Variants in PHGDH observed in about 807,000 individuals in gnomAD.
The protein encoded by PHGDH is phosphoglycerate dehydrogenase.
In PHGDH, 50 loss-of-function variants were observed where a neutral mutation model predicts 52.6. The observed-to-expected ratio is 0.95, with a 90% confidence interval of 0.76 to 1.20. The LOEUF (loss-of-function observed/expected upper bound fraction) is 1.20, where lower values mean the gene tolerates loss of function less well. Ranked by LOEUF, PHGDH falls within the 50% of genes most tolerant of loss-of-function variation. The pLI, the probability that PHGDH is intolerant of heterozygous loss-of-function variation, is 0.00. For missense variants in PHGDH, 630 were observed against 684.6 expected, an observed-to-expected ratio of 0.92 and a Z score of 0.89; for synonymous variants, 271 against 280.5, an observed-to-expected ratio of 0.97 and a Z score of 0.34.
At chr1:119,732,946 G>T (rs1333220475) in intron 5 of PHGDH, among the ~76,000 whole-genome samples, 3 of 152,210 alleles carry the variant, frequency 2.0e-5, no homozygotes, top group Admixed American at 6.5e-5. Flanking sequence ...AAATACATCT[G>T]GATTAGAGAT....
Position 119,740,419 on chromosome 1 carries a change from C to T in PHGDH, c.979C>T (p.Pro327Ser). 1 of 1,614,004 alleles carries T rather than the reference C, an allele frequency of 6.2e-7. No individual in the cohort carries two copies. Among genetic ancestry groups the T allele is most frequent in the Non-Finnish European group, 8.5e-7 (1 of 1,179,926 alleles). Reference sequence around the variant, plus strand: ...CCAGGCCCTTACCAGTGCCTTCTCTCCACACACCAAGCCTTGGATTGGTCT... The same window carrying T: ...CCAGGCCCTTACCAGTGCCTTCTCTTCACACACCAAGCCTTGGATTGGTCT... ...NAQALTSAFS[P>S]HTKPWIGLAE... Residue 327 changes from proline to serine, a missense_variant, in exon 9 of 12, where the codon CCA (proline) becomes TCA (serine). By Grantham distance (74) the Pro-to-Ser change is moderately conservative. Coordinates refer to ENST00000641023, the MANE Select transcript of PHGDH (RefSeq NM_006623.4).
chr1:119,735,528 C>A (rs913651426), intron 7 of PHGDH, 85 bp downstream of exon 7: 1 of 1,325,384 alleles, frequency 7.5e-7, no homozygotes, highest in East Asian at 2.4e-5. Flanking sequence ...TGGCGTTTTA[C>A]AGAAAGCCTC....
rs1247058629 is a variant in PHGDH at position 119,711,952 on chromosome 1, C to T, written c.-71C>T. 1.3e-6 allele frequency: 2 copies of T among 1,558,334 alleles called. No individual in the cohort carries two copies. Among genetic ancestry groups the T allele is most frequent in the African/African-American group, 1.4e-5 (1 of 73,816 alleles). On this transcript the variant is annotated 5_prime_UTR_variant, in exon 1 of 12. Transcript: ENST00000641023. ...ATACTGCCCAGTTACTCTAGCGCGCCAGGCCGAACCGCAGCTTCTTGGCTT... is the reference window on the plus strand; with the variant it reads ...ATACTGCCCAGTTACTCTAGCGCGCTAGGCCGAACCGCAGCTTCTTGGCTT...
intron 8 of PHGDH, chr1:119,740,121 GGGGCAGACACAGTTTGCTGAAAGGA>G (rs1284476008): frequency 8.2e-6 from 4 of 485,062 alleles, no homozygotes; most frequent in Non-Finnish European, 1.5e-5. Context: ...GGAGGGGGCT[GGGGCAGACACAGTTTGCTGAAAGGA>G]GCAATTTTGA....
chr1:119,743,168 C>T, intron 11 of PHGDH, 124 bp downstream of exon 11: 1 of 774,580 alleles, frequency 1.3e-6, no homozygotes, highest in Middle Eastern at 2.3e-4. Flanking sequence ...TGGATCTGCA[C>T]CATACAGAGG....
chr1:119,728,695 C>T (rs767540069), intron 5 of PHGDH, among the ~76,000 whole-genome samples: 3 of 152,170 alleles, frequency 2.0e-5, no homozygotes, highest in Non-Finnish European at 4.4e-5. Context: ...ATCTGCAGGG[C>T]TTCCCAGATA....
intron 1 of PHGDH, chr1:119,712,574 G>T (rs913066603): frequency 3.9e-6 from 1 of 257,064 alleles, no homozygotes; most frequent in Non-Finnish European, 7.7e-6. Flanking sequence ...TCGGGAGAGG[G>T]GCCCCAAAGT....
At chr1:119,723,254 G>A in intron 2 of PHGDH, 122 bp from the exon 3 acceptor site, 3 of 807,980 alleles carry the variant, frequency 3.7e-6, no homozygotes, top group Non-Finnish European at 6.6e-6. Flanking sequence ...CTGGACAGTG[G>A]CGTGGTCAGT....
intron 10 of PHGDH, chr1:119,742,170 G>A (rs1652238551): frequency 4.0e-6 from 2 of 498,362 alleles, no homozygotes; most frequent in African/African-American, 3.9e-5. Flanking sequence ...TGACGAGCTA[G>A]TGTGTTTGAC....
chr1:119,723,466 G>A (rs748666819), intron 3 of PHGDH, 25 bp downstream of exon 3: 4 of 1,575,236 alleles, frequency 2.5e-6, no homozygotes, highest in African/African-American at 2.7e-5. Flanking sequence ...TCTCAGCAAA[G>A]CTAGTCTCTC....
chr1:119,727,400 T>C (rs185169321), intron 5 of PHGDH: 5 of 450,708 alleles, frequency 1.1e-5, no homozygotes, highest in African/African-American at 7.9e-5. Context: ...CTTCTTAGTT[T>C]AAAAGAATTT....
At chr1:119,722,954 G>T (rs1204875882) in intron 2 of PHGDH, among the ~76,000 whole-genome samples, 1 of 151,562 alleles carries the variant, frequency 6.6e-6, no homozygotes, top group Non-Finnish European at 1.5e-5. Flanking sequence ...GTAGGCATTG[G>T]ACTGAGCCCT....
At chr1:119,734,976 G>A in intron 6 of PHGDH, 2 of 643,912 alleles carry the variant, frequency 3.1e-6, no homozygotes, top group Admixed American at 2.5e-5. Context: ...AGGTAAGCTG[G>A]GCACAGGGAC....
At chr1:119,743,859 C>A in intron 11 of PHGDH, 27 bp from the exon 12 acceptor site, 1 of 1,601,426 alleles carries the variant, frequency 6.2e-7, no homozygotes, top group Non-Finnish European at 8.6e-7. Flanking sequence ...ATCCCCTGTG[C>A]CAACCAGGAG....
intron 8 of PHGDH, chr1:119,739,872 C>A (rs982163979): frequency 6.0e-6 from 1 of 167,038 alleles, no homozygotes; most frequent in African/African-American, 2.4e-5. Context: ...ACTTCGCATG[C>A]GTTGATATTT....
intron 8 of PHGDH, among the ~76,000 whole-genome samples, chr1:119,738,113 C>T (rs587770265): frequency 6.6e-6 from 1 of 151,760 alleles, no homozygotes; most frequent in Admixed American, 6.6e-5. Flanking sequence ...GTTCTAAGTT[C>T]CCTGAGGACA....
rs1039437538 is a variant in PHGDH, at chr1:119,712,354, A to C, written c.138+194A>C. ...GGAAGAACAAACGGCGGCGAGATGC[A>C]AACTTTTCTTTTAGTTTGCAACCGC... On this transcript the variant is annotated intron_variant, in intron 1 of 11. Coordinates refer to ENST00000641023, the MANE Select transcript of PHGDH (RefSeq NM_006623.4). The C allele has an allele frequency of 4.9e-6, 3 of 615,134 alleles. No individual in the cohort carries two copies. In the African/African-American group the frequency reaches 5.6e-5, roughly 11 times the overall value. The allele number at this position is 615,134 out of a possible 1,614,324, so 38.1% of individuals were successfully genotyped here.
intron 5 of PHGDH, 111 bp from the exon 6 acceptor site, chr1:119,734,523 A>G: frequency 1.0e-6 from 1 of 989,858 alleles, no homozygotes. Flanking sequence ...AATTAAGCTG[A>G]GCATGGTAGT....
chr1:119,721,263 A>G lies in PHGDH; in HGVS notation c.232A>G (p.Thr78Ala). The G allele has an allele frequency of 1.2e-6, 2 of 1,614,164 alleles. No homozygotes were observed. Among genetic ancestry groups the G allele is most frequent in the South Asian group, 1.1e-5 (1 of 91,078 alleles). The change falls in exon 2 of 12, where the codon ACA becomes GCA. Residue 78 changes from threonine to alanine, a missense_variant. Physicochemically the swap from Thr to Ala is moderately conservative, Grantham distance 58. Transcript: ENST00000641023. ...ACTCCAGGTGGTGGGCAGGGCTGGCACAGGTGTGGACAATGTGGATCTGGA... is the reference window on the plus strand; with the variant it reads ...ACTCCAGGTGGTGGGCAGGGCTGGCGCAGGTGTGGACAATGTGGATCTGGA... Reference protein sequence around the residue: ...EKLQVVGRAGTGVDNVDLEAA... With the variant: ...EKLQVVGRAGAGVDNVDLEAA...
Sources: gnomAD v4.1 joint callset for allele counts (sites outside exome capture counted in the v4.1 genomes callset) on GRCh38, gnomAD v4.1.1 for gene constraint, MANE v1.5 for transcripts, NCBI Gene and HGNC (gene_info 2026-07-23, HGNC 2026-07-21) for gene names.